Variants in ENOX1 observed in about 807,000 individuals in gnomAD.
ENOX1 encodes candidate growth-related and time keeping constitutive hydroquinone (NADH) oxidase.
A neutral mutation model predicts 82.5 loss-of-function variants in ENOX1; 42 were observed. That is an observed-to-expected ratio of 0.51 (90% CI 0.40 to 0.66). ENOX1 has a LOEUF of 0.66. Among genes scored for constraint, ENOX1 ranks in the 30% least tolerant of loss-of-function variants. The pLI, the probability that ENOX1 is intolerant of heterozygous loss-of-function variation, is 0.00. For synonymous variants in ENOX1, 271 were observed against 282.2 expected, an observed-to-expected ratio of 0.96 and a Z score of 0.40; for missense variants, 608 against 811.6, an observed-to-expected ratio of 0.75 and a Z score of 3.05.
At chr13:43,392,237 C>T (rs1006746056) in intron 5 of ENOX1, among the ~76,000 whole-genome samples, 9 of 152,138 alleles carry the variant, frequency 5.9e-5, no homozygotes, top group Non-Finnish European at 1.0e-4. Flanking sequence ...TCTAATGATA[C>T]GTTCATCAAT....
intron 2 of ENOX1, among the ~76,000 whole-genome samples, chr13:43,642,053 TATC>T (rs1250098244): frequency 2.0e-5 from 3 of 152,200 alleles, no homozygotes; most frequent in African/African-American, 7.2e-5. Context: ...TAGATATTAT[TATC>T]ATCCTAATTT....
At chr13:43,228,095 C>CTTTTT (rs551861545) in intron 15 of ENOX1, among the ~76,000 whole-genome samples, 36 of 84,718 alleles carry the variant, frequency 4.2e-4, no homozygotes, top group African/African-American at 1.4e-3. Flanking sequence ...CTCTTTGCAG[C>CTTTTT]TTTTTTTTTT....
chr13:43,389,070 A>C (rs1205886953), intron 5 of ENOX1, among the ~76,000 whole-genome samples: 1 of 152,198 alleles, frequency 6.6e-6, no homozygotes, highest in Non-Finnish European at 1.5e-5. Flanking sequence ...TTTTAATTAC[A>C]CCCAGATTTA....
At position 43,786,696 on chromosome 13, in the gene ENOX1, T is replaced by G. The variant is rs1482078338; in HGVS notation, c.-329A>C. 1 of 150,792 alleles carries G rather than the reference T, an allele frequency of 6.6e-6. No homozygotes were observed. The highest frequency in any genetic ancestry group is 1.5e-5 in the Non-Finnish European group (1 of 67,804). The allele number at this position is 150,792 out of a possible 1,614,324, so 9.3% of individuals were successfully genotyped here. A position where few individuals can be genotyped will look rare whatever the true frequency, so the allele number is the denominator to read the frequency against. ...AGCGGAGGCAACCCGCTGCGCGGAG[T>G]GGGGCGCCGGGCGCGGCGCGGCTCC... On this transcript the variant is annotated 5_prime_UTR_variant, in exon 1 of 17. Coordinates refer to ENST00000690772, the MANE Select transcript of ENOX1 (RefSeq NM_001347969.2). The surrounding 1 kb of genome is among the most constrained non-coding windows in gnomAD (Gnocchi z 6.0).
chr13:43,381,152 T>G (rs934240569), intron 5 of ENOX1, among the ~76,000 whole-genome samples: 1 of 151,848 alleles, frequency 6.6e-6, no homozygotes, highest in Admixed American at 6.6e-5. Context: ...GGCCATATTC[T>G]GGGCATAAAC....
intron 1 of ENOX1, among the ~76,000 whole-genome samples, chr13:43,723,319 A>C (rs1041131973): frequency 2.4e-4 from 37 of 152,288 alleles, no homozygotes; most frequent in African/African-American, 7.9e-4. Context: ...CTTCCCCACC[A>C]CTTAAGCCCA....
At chr13:43,307,956 T>C (rs7320931) in intron 11 of ENOX1, among the ~76,000 whole-genome samples, 131,414 of 152,252 alleles carry the variant, frequency 0.86, 56,934 homozygotes, top group East Asian at 0.96. Context: ...GCCCCTCCCA[T>C]GTACACATGC....
At chr13:43,768,045 C>A (rs1951380864) in intron 1 of ENOX1, among the ~76,000 whole-genome samples, 3 of 152,224 alleles carry the variant, frequency 2.0e-5, no homozygotes, top group Non-Finnish European at 4.4e-5. Context: ...TTCTGTATTA[C>A]ATAACTCCAT....
chr13:43,415,362 G>T, intron 3 of ENOX1, among the ~76,000 whole-genome samples: 2 of 150,480 alleles, frequency 1.3e-5, no homozygotes, highest in Non-Finnish European at 3.0e-5. Flanking sequence ...ATGAACAAAG[G>T]TCTCTGGTTT....
intron 2 of ENOX1, among the ~76,000 whole-genome samples, chr13:43,642,091 T>G (rs1313802766): frequency 1.3e-5 from 2 of 152,198 alleles, no homozygotes; most frequent in East Asian, 3.9e-4. Flanking sequence ...CAAAAACACT[T>G]TGAAAGTTGC....
intron 15 of ENOX1, among the ~76,000 whole-genome samples, chr13:43,233,333 T>A (rs1566295255): frequency 6.6e-6 from 1 of 152,208 alleles, no homozygotes; most frequent in Non-Finnish European, 1.5e-5. Context: ...GACCCATTAA[T>A]TGTCAAGAAG....
intron 11 of ENOX1, among the ~76,000 whole-genome samples, chr13:43,312,351 A>G (rs1332279812): frequency 6.6e-6 from 1 of 152,190 alleles, no homozygotes; most frequent in Non-Finnish European, 1.5e-5. Flanking sequence ...AGGCACTTCA[A>G]TAAGTCTTGA....
At chr13:43,466,753 T>C (rs9533504) in intron 3 of ENOX1, among the ~76,000 whole-genome samples, 69,377 of 151,946 alleles carry the variant, frequency 0.46, 16,249 homozygotes, top group Non-Finnish European at 0.5. Context: ...CCGGAAACTT[T>C]CATCACACAA....
chr13:43,769,814 C>T (rs1195417945), intron 1 of ENOX1, among the ~76,000 whole-genome samples: 1 of 152,164 alleles, frequency 6.6e-6, no homozygotes, highest in Admixed American at 6.5e-5. Flanking sequence ...AATTGTGACA[C>T]CTGAAATTCT....
intron 14 of ENOX1, among the ~76,000 whole-genome samples, chr13:43,261,943 A>G (rs897655400): frequency 4.6e-5 from 7 of 151,570 alleles, no homozygotes; most frequent in African/African-American, 1.7e-4. Context: ...TACATATGTA[A>G]CTAACCTGCA....
chr13:43,735,778 A>G lies in ENOX1; in HGVS notation c.-285+50874T>C, dbSNP rs140437134. Reference sequence around the variant, plus strand: ...AAATGTGAGAGATAAAAGACCAGGGATAAAAATAATTCAAAATCTCTACAG... The same window carrying G: ...AAATGTGAGAGATAAAAGACCAGGGGTAAAAATAATTCAAAATCTCTACAG... On this transcript the variant is annotated intron_variant, in intron 1 of 16. Coordinates refer to ENST00000690772, the MANE Select transcript of ENOX1 (RefSeq NM_001347969.2). Among the ~76,000 whole-genome samples the G allele has an allele frequency of 5.9e-5, 9 of 152,286 alleles. No individual in the cohort carries two copies. The East Asian group carries it at 1.7e-3, about 29-fold the overall frequency.
At chr13:43,716,507 G>T (rs1594542958) in intron 1 of ENOX1, among the ~76,000 whole-genome samples, 1 of 152,100 alleles carries the variant, frequency 6.6e-6, no homozygotes. Flanking sequence ...TTGAAAGTAA[G>T]AATGCTCAAG....
At chr13:43,529,857 T>C (rs1490101363) in intron 2 of ENOX1, among the ~76,000 whole-genome samples, 1 of 143,190 alleles carries the variant, frequency 7.0e-6, no homozygotes, top group African/African-American at 2.5e-5. Context: ...GCCAACTGTC[T>C]CTAGGCCCCA....
chr13:43,726,000 T>A (rs1369844167), intron 1 of ENOX1, among the ~76,000 whole-genome samples: 1 of 151,944 alleles, frequency 6.6e-6, no homozygotes, highest in Non-Finnish European at 1.5e-5. Flanking sequence ...TCTTACTTTC[T>A]TTGGTAACCA....
Sources: allele counts gnomAD v4.1 joint callset (sites outside exome capture counted in the v4.1 genomes callset), GRCh38; gene constraint gnomAD v4.1.1; non-coding constraint Gnocchi (gnomAD v3.1); transcripts MANE v1.5; gene names NCBI Gene and HGNC (gene_info 2026-07-23, HGNC 2026-07-21).